PRSS16: variants seen among roughly 807,000 people sequenced by gnomAD.
PRSS16 encodes the protein serine protease 16, also known as thymus-specific serine protease.
A neutral mutation model predicts 61.7 loss-of-function variants in PRSS16; 43 were observed. The observed-to-expected ratio is 0.70, with a 90% CI of 0.55 to 0.90. PRSS16 has a LOEUF of 0.90. Ranked by LOEUF, PRSS16 falls within the 40% of genes least tolerant of loss-of-function variation. The pLI is 0.00. For synonymous variants in PRSS16, 273 were observed against 285.2 expected, an observed-to-expected ratio of 0.96 and a Z score of 0.43; for missense variants, 591 against 659.1, an observed-to-expected ratio of 0.90 and a Z score of 1.13.
chr6:27,254,995 A>T lies in PRSS16; in HGVS notation c.1340A>T (p.Asp447Val), dbSNP rs1181984738. The T allele has an allele frequency of 1.2e-6, 2 of 1,612,248 alleles. No homozygotes were observed. Among genetic ancestry groups the T allele is most frequent in the Non-Finnish European group, 8.5e-7 (1 of 1,178,454 alleles). ...NKVLFVNGDT[D>V]PWHVLSVTQA... ...TATCCTTTCTTTCCAGGGGACACAG[A>T]CCCCTGGCATGTGCTAAGTGTAACA... Residue 447 changes from aspartate (D) to valine (V), a missense_variant, in exon 11 of 12, where the codon GAC (aspartate) becomes GTC (valine). Coordinates refer to ENST00000230582, the MANE Select transcript of PRSS16 (RefSeq NM_005865.4).
intron 9 of PRSS16, chr6:27,254,380 G>T (rs1374680805): frequency 1.4e-5 from 4 of 293,048 alleles, no homozygotes; most frequent in Non-Finnish European, 1.9e-5. Flanking sequence ...TATTTACTAT[G>T]CCTTCCTTCT....
chr6:27,255,505 G>A lies in PRSS16; in HGVS notation c.*190G>A. 1.7e-6 allele frequency: 1 copy of A among 582,166 alleles called. No individual in the cohort carries two copies. Among genetic ancestry groups the A allele is most frequent in the South Asian group, 2.2e-5 (1 of 46,230 alleles). 36.1% of individuals were successfully genotyped at this position (582,166 alleles called of 1,614,324 possible). ...AACTTAAAGTGCTTTATTGCAGAGA[G>A]TTATGGAAATATAAGTGGATGATTA... is the stretch of plus-strand genomic sequence containing the variant. On this transcript the variant is annotated 3_prime_UTR_variant, in exon 12 of 12. Transcript: ENST00000230582. This position sits in a 1 kb window ranked among gnomAD's most constrained non-coding sequence, Gnocchi z 4.4.
chr6:27,254,961 GC>G, intron 10 of PRSS16, 24 bp from the exon 11 acceptor site: 4 of 1,612,738 alleles, frequency 2.5e-6, no homozygotes, highest in Non-Finnish European at 3.4e-6. Flanking sequence ...CATCTACCTA[GC>G]CCCATCCTAT....
chr6:27,251,368 T>G lies in PRSS16; in HGVS notation c.717+104T>G. On this transcript the variant is annotated intron_variant, in intron 7 of 11. Transcript: ENST00000230582. This position sits in a 1 kb window ranked among gnomAD's most constrained non-coding sequence, Gnocchi z 5.6. ...GGGCGAAACCTGCAACGTGGCGGGG[T>G]CTAAGGAAGGTCGGAGCTCGGGGGA... The G allele has an allele frequency of 2.9e-6, 4 of 1,397,154 alleles. No homozygotes were observed. Among genetic ancestry groups the G allele is most frequent in the Non-Finnish European group, 2.9e-6 (3 of 1,045,900 alleles). 86.5% of individuals were successfully genotyped at this position (1,397,154 alleles called of 1,614,324 possible). A position where few individuals can be genotyped will look rare whatever the true frequency, so the allele number is the denominator to read the frequency against.
At chr6:27,249,064 TCACCTCCCCACCCCC>T in intron 3 of PRSS16, 21 bp from the exon 4 acceptor site, 1 of 1,179,786 alleles carries the variant, frequency 8.5e-7, no homozygotes. Context: ...AACTTGCATC[TCACCTCCCCACCCCC>T]CACCCATACA....
intron 5 of PRSS16, 41 bp downstream of exon 5, chr6:27,250,847 G>C: frequency 6.3e-7 from 1 of 1,578,694 alleles, no homozygotes. Context: ...GAGGGAACTC[G>C]GACTCCAGGG....
At position 27,251,896 on chromosome 6, in the gene PRSS16, G is replaced by T. The variant is rs775040643; in HGVS notation, c.864G>T (p.Leu288=). The change falls in exon 8 of 12, where the codon CTG becomes CTT. Residue 288 remains leucine, a synonymous_variant. Coordinates refer to ENST00000230582, the MANE Select transcript of PRSS16 (RefSeq NM_005865.4). This position sits in a 1 kb window ranked among gnomAD's most constrained non-coding sequence, Gnocchi z 5.6. The part of the protein sequence containing the change: ...AENQAELLGA[L]QALVGGVVQY... Reference sequence around the variant, plus strand: ...ACCAGGCGGAGCTGTTGGGGGCGCTGCAGGCACTGGTGGGAGGTGTAGTGC... The same window carrying T: ...ACCAGGCGGAGCTGTTGGGGGCGCTTCAGGCACTGGTGGGAGGTGTAGTGC... 1 of 1,613,288 alleles carries T rather than the reference G, an allele frequency of 6.2e-7. No homozygotes were observed. Among genetic ancestry groups the T allele is most frequent in the Non-Finnish European group, 8.5e-7 (1 of 1,179,810 alleles).
chr6:27,250,714 C>A lies in PRSS16; in HGVS notation c.499C>A (p.Leu167Ile). The A allele has an allele frequency of 1.2e-6, 2 of 1,613,596 alleles. No homozygotes were observed. The highest frequency in any genetic ancestry group is 2.2e-5 in the South Asian group (2 of 90,994). ...TGATGTGGTCTCTGCCCGCCTGGCA[C>A]TTTCCCGCCTCTTTAACATCTCCTC... is the stretch of plus-strand genomic sequence containing the variant. ...LADVVSARLA[L>I]SRLFNISSSS... Residue 167 changes from leucine (L) to isoleucine (I), a missense_variant, in exon 5 of 12, where the codon CTT becomes ATT. Leu to Ile is a conservative substitution (Grantham distance 5). Coordinates refer to ENST00000230582, the MANE Select transcript of PRSS16 (RefSeq NM_005865.4).
intron 9 of PRSS16, chr6:27,254,478 G>T (rs1759984689): frequency 1.9e-6 from 1 of 518,874 alleles, no homozygotes. Flanking sequence ...TTTCCTCTGG[G>T]ATCCCTGCCT....
rs1019858914 is a variant in PRSS16 at position 27,253,670 on chromosome 6, C to T, written c.1150+721C>T. 6 of 194,694 alleles carry T rather than the reference C, an allele frequency of 3.1e-5. No individual in the cohort carries two copies. In the Admixed American group the frequency reaches 3.3e-4, roughly 11 times the overall value. 12.1% of individuals were successfully genotyped at this position (194,694 alleles called of 1,614,324 possible). A position where few individuals can be genotyped will look rare whatever the true frequency, so the allele number is the denominator to read the frequency against. ...TATGGTAAATTAAATGTTCAAATTC[C>T]AGCTCCATTTTCTACTCGTAATCTT... On this transcript the variant is annotated intron_variant, in intron 9 of 11. Transcript: ENST00000230582.
In PRSS16 at chr6:27,252,877, A is replaced by G. The variant is rs1561774674; in HGVS notation, c.1078A>G (p.Ser360Gly). The G allele has an allele frequency of 6.2e-7, 1 of 1,614,144 alleles. No homozygotes were observed. The highest frequency in any genetic ancestry group is 2.2e-5 in the East Asian group (1 of 44,880). The change falls in exon 9 of 12, where the codon AGC becomes GGC. Residue 360 changes from serine (S) to glycine (G), a missense_variant. Ser to Gly is a moderately conservative substitution (Grantham distance 56). Coordinates refer to ENST00000230582, the MANE Select transcript of PRSS16 (RefSeq NM_005865.4). The surrounding 1 kb of genome is among the most constrained non-coding windows in gnomAD (Gnocchi z 4.2). ...AGCAGAGACAGTGGCACAGCTGAGG[A>G]GCACAGAACCTCAACTGTCTGGTGT... is the stretch of plus-strand genomic sequence containing the variant. Reference protein sequence around the residue: ...SRAETVAQLRSTEPQLSGVGD... With the variant: ...SRAETVAQLRGTEPQLSGVGD...
In PRSS16 at chr6:27,248,044, TA is replaced by T; in HGVS notation, c.234del (p.Gln79SerfsTer5). Reference sequence around the variant, plus strand: ...AACGTGTCCGACAGACGATCCTTCCTACAGGTGAGGCCGGGAGACGGGGAGT... The same window carrying T: ...AACGTGTCCGACAGACGATCCTTCCTCAGGTGAGGCCGGGAGACGGGGAGT... Reference protein sequence around the residue: ...PFNVSDRRSFLQRYWVNDQHW... With the variant: ...PFNVSDRRSFXQRYWVNDQHW... On this transcript the variant is annotated frameshift_variant, in exon 2 of 12. Coordinates refer to ENST00000230582, the MANE Select transcript of PRSS16 (RefSeq NM_005865.4). LOFTEE classifies it high-confidence loss of function. The T allele has an allele frequency of 6.2e-7, 1 of 1,613,338 alleles. No individual in the cohort carries two copies. The highest frequency in any genetic ancestry group is 8.5e-7 in the Non-Finnish European group (1 of 1,179,734).
At position 27,251,427 on chromosome 6, in the gene PRSS16, G is replaced by A. The variant is rs1425353869; in HGVS notation, c.717+163G>A. The A allele has an allele frequency of 1.4e-5, 13 of 938,368 alleles. No homozygotes were observed. The highest frequency in any genetic ancestry group is 2.0e-5 in the Non-Finnish European group (13 of 648,846). The allele number at this position is 938,368 out of a possible 1,614,324, so 58.1% of individuals were successfully genotyped here. A position where few individuals can be genotyped will look rare whatever the true frequency, so the allele number is the denominator to read the frequency against. ...GTTTTGGAAGAAGGCGGGAGCTGAC[G>A]AAGAGGAGGGGCACCAGGAAAAGAG... On this transcript the variant is annotated intron_variant, in intron 7 of 11. Transcript: ENST00000230582. The surrounding 1 kb of genome is among the most constrained non-coding windows in gnomAD (Gnocchi z 5.6).
At position 27,251,800 on chromosome 6, in the gene PRSS16, C is replaced by T. The variant is rs774758285; in HGVS notation, c.768C>T (p.Arg256=). The T allele has an allele frequency of 6.2e-7, 1 of 1,609,382 alleles. No homozygotes were observed. The highest frequency in any genetic ancestry group is 1.7e-5 in the Admixed American group (1 of 59,136). ...TCGCTGAAGTGGAGCGGCGGCTGCG[C>T]TCGGGTGGGGCGGCTCAAGCAGCAT... The part of the protein sequence containing the change: ...VAFAEVERRL[R]SGGAAQAALR... Residue 256 remains arginine (R), a synonymous_variant, in exon 8 of 12, where the codon CGC becomes CGT. Coordinates refer to ENST00000230582, the MANE Select transcript of PRSS16 (RefSeq NM_005865.4). This position sits in a 1 kb window ranked among gnomAD's most constrained non-coding sequence, Gnocchi z 5.6.
At chr6:27,253,538 A>C (rs1426568726) in intron 9 of PRSS16, 1 of 449,332 alleles carries the variant, frequency 2.2e-6, no homozygotes, top group Non-Finnish European at 4.5e-6. Context: ...AGCTCCTCAA[A>C]GACCCCAGGG....
chr6:27,251,276 G>T lies in PRSS16; in HGVS notation c.717+12G>T. 6.3e-7 allele frequency: 1 copy of T among 1,598,016 alleles called. No individual in the cohort carries two copies. Among genetic ancestry groups the T allele is most frequent in the Non-Finnish European group, 8.5e-7 (1 of 1,172,230 alleles). ...GCGGGTCCCTGGAGGTAGGAGGTGGGGCCTAGTCCGAGGGGGACTGGGAGG... is the reference window on the plus strand; with the variant it reads ...GCGGGTCCCTGGAGGTAGGAGGTGGTGCCTAGTCCGAGGGGGACTGGGAGG... On this transcript the variant is annotated intron_variant, in intron 7 of 11. Transcript: ENST00000230582. The surrounding 1 kb of genome is among the most constrained non-coding windows in gnomAD (Gnocchi z 5.6).
rs747188349 is a variant in PRSS16 at position 27,251,257 on chromosome 6, C to T, written c.710C>T (p.Ser237Phe). 6.2e-7 allele frequency: 1 copy of T among 1,605,422 alleles called. No individual in the cohort carries two copies. Among genetic ancestry groups the T allele is most frequent in the Admixed American group, 1.7e-5 (1 of 59,626 alleles). Residue 237 changes from serine to phenylalanine, a missense_variant, in exon 7 of 12, where the codon TCC becomes TTC. Physicochemically the swap from Ser to Phe is radical, Grantham distance 155. Transcript: ENST00000230582. The surrounding 1 kb of genome is among the most constrained non-coding windows in gnomAD (Gnocchi z 5.6). The stretch of plus-strand genomic sequence containing the variant: ...CTAATGAGCACCGCGATCGGCGGGT[C>T]CCTGGAGGTAGGAGGTGGGGCCTAG... ...RSLMSTAIGG[S>F]LECRAAVSVA...
chr6:27,252,911 G>T lies in PRSS16; in HGVS notation c.1112G>T (p.Arg371Leu), dbSNP rs140528789. 2.5e-6 allele frequency: 4 copies of T among 1,614,172 alleles called. No individual in the cohort carries two copies. The Admixed American group carries it at 6.7e-5, about 27-fold the overall frequency. ...TEPQLSGVGD[R>L]QWLYQTCTEF... ...CCTCAACTGTCTGGTGTGGGTGACC[G>T]GCAGTGGTTGTATCAGACATGTACC... Residue 371 changes from arginine to leucine, a missense_variant, in exon 9 of 12, where the codon CGG becomes CTG. Arg to Leu is a moderately radical substitution (Grantham distance 102). Coordinates refer to ENST00000230582, the MANE Select transcript of PRSS16 (RefSeq NM_005865.4). This position sits in a 1 kb window ranked among gnomAD's most constrained non-coding sequence, Gnocchi z 4.2.
chr6:27,252,874 A>G lies in PRSS16; in HGVS notation c.1075A>G (p.Arg359Gly). 6.2e-7 allele frequency: 1 copy of G among 1,614,176 alleles called. No individual in the cohort carries two copies. Among genetic ancestry groups the G allele is most frequent in the Non-Finnish European group, 8.5e-7 (1 of 1,180,026 alleles). ...FSRAETVAQL[R>G]STEPQLSGVG... ...CCGAGCAGAGACAGTGGCACAGCTG[A>G]GGAGCACAGAACCTCAACTGTCTGG... Residue 359 changes from arginine (R) to glycine (G), a missense_variant, in exon 9 of 12, where the codon AGG becomes GGG. Transcript: ENST00000230582. This position sits in a 1 kb window ranked among gnomAD's most constrained non-coding sequence, Gnocchi z 4.2.
Sources: gnomAD v4.1 joint callset for allele counts on GRCh38, gnomAD v4.1.1 for gene constraint, Gnocchi (gnomAD v3.1) non-coding constraint, MANE v1.5 for transcripts, NCBI Gene and HGNC (gene_info 2026-07-23, HGNC 2026-07-21) for gene names.